RBM34: variants seen among roughly 807,000 people sequenced by gnomAD.
The protein encoded by RBM34 is RNA binding motif protein 34, also known as RNA-binding protein 34.
In RBM34, 39 loss-of-function variants were observed where a neutral mutation model predicts 44.6. The ratio of observed to expected loss-of-function variants is 0.87; its 90% CI spans 0.68 to 1.14. The LOEUF (loss-of-function observed/expected upper bound fraction) is 1.14. RBM34 is among the 50% of genes most tolerant of loss of function. RBM34 has a pLI of 0.00. For missense variants in RBM34, 572 were observed against 517.9 expected, an observed-to-expected ratio of 1.10 and a Z score of -1.01; for synonymous variants, 194 against 184.0, an observed-to-expected ratio of 1.05 and a Z score of -0.44.
chr1:235,142,145 T>C (rs894746874), intron 6 of RBM34, among the ~76,000 whole-genome samples: 4 of 152,132 alleles, frequency 2.6e-5, no homozygotes, highest in South Asian at 2.1e-4. Context: ...TACAAGGCAT[T>C]TGGCACAGCT....
At chr1:235,135,597 T>C in intron 10 of RBM34, 55 bp downstream of exon 10, 1 of 1,384,994 alleles carries the variant, frequency 7.2e-7, no homozygotes, top group Non-Finnish European at 1.0e-6. Context: ...TGCAACAGTG[T>C]CAATGCCTCC....
chr1:235,153,262 C>CA (rs35089184), intron 4 of RBM34, among the ~76,000 whole-genome samples: 23,920 of 129,594 alleles, frequency 0.18, 2,093 homozygotes, highest in African/African-American at 0.25. Context: ...GACTCTGTCT[C>CA]AAAAAAAAAA....
Position 235,161,085 on chromosome 1 carries a change from A to G in RBM34, c.54-18T>C. 6.2e-7 allele frequency: 1 copy of G among 1,609,808 alleles called. No homozygotes were observed. Among genetic ancestry groups the G allele is most frequent in the Non-Finnish European group, 8.5e-7 (1 of 1,176,460 alleles). ...GATTCTCTCTAGAAATGGACGACAGAAACTCAGCCACGCCACGCACCACCG... is the reference window on the plus strand; with the variant it reads ...GATTCTCTCTAGAAATGGACGACAGGAACTCAGCCACGCCACGCACCACCG... On this transcript the variant is annotated intron_variant, in intron 1 of 10. Transcript: ENST00000408888.
intron 3 of RBM34, 100 bp downstream of exon 3, chr1:235,160,411 G>A: frequency 6.9e-7 from 1 of 1,448,234 alleles, no homozygotes; most frequent in Non-Finnish European, 9.6e-7. Flanking sequence ...AGTTTTGAAA[G>A]AAAGTAGAAA....
At chr1:235,157,546 A>T (rs533197950) in intron 3 of RBM34, among the ~76,000 whole-genome samples, 149 of 151,832 alleles carry the variant, frequency 9.8e-4, no homozygotes, top group African/African-American at 3.4e-3. Flanking sequence ...GAGGCAAACA[A>T]ACATACATGT....
chr1:235,155,157 T>C, intron 3 of RBM34, 45 bp from the exon 4 acceptor site: 2 of 1,486,780 alleles, frequency 1.3e-6, no homozygotes, highest in Non-Finnish European at 1.9e-6. Context: ...GTCATGCCAG[T>C]TAGGTCTAGT....
At chr1:235,140,513 C>T (rs1304831257) in intron 6 of RBM34, among the ~76,000 whole-genome samples, 1 of 152,224 alleles carries the variant, frequency 6.6e-6, no homozygotes, top group African/African-American at 2.4e-5. Context: ...TCTCACCGGG[C>T]CTTAGCTGCC....
At chr1:235,151,907 C>T (rs945823669) in intron 5 of RBM34, among the ~76,000 whole-genome samples, 2 of 152,040 alleles carry the variant, frequency 1.3e-5, no homozygotes, top group Non-Finnish European at 2.9e-5. Context: ...GTAGCGCACA[C>T]CTGTAATCCC....
Position 235,138,023 on chromosome 1 carries a change from G to A in RBM34, c.785+68C>T. ...ACATCTATGCTAAAGTGAAACCAAA[G>A]AATAAAAAAAGTACTCATACATACT... On this transcript the variant is annotated intron_variant, in intron 7 of 10. Coordinates refer to ENST00000408888, the MANE Select transcript of RBM34 (RefSeq NM_015014.4). 5 of 1,536,302 alleles carry A rather than the reference G, an allele frequency of 3.3e-6. No homozygotes were observed. The Admixed American group carries it at 5.4e-5, about 17-fold the overall frequency.
chr1:235,156,419 T>C (rs1490616427), intron 3 of RBM34, among the ~76,000 whole-genome samples: 1 of 152,210 alleles, frequency 6.6e-6, no homozygotes, highest in Non-Finnish European at 1.5e-5. Flanking sequence ...GTTTACACTC[T>C]ATCAATGCCT....
intron 3 of RBM34, chr1:235,156,477 G>A (rs1662447973): frequency 6.1e-6 from 2 of 325,360 alleles, no homozygotes; most frequent in Non-Finnish European, 1.2e-5. Flanking sequence ...CACACTCCCT[G>A]AGAGTCTAAA....
intron 6 of RBM34, among the ~76,000 whole-genome samples, chr1:235,143,776 A>C (rs968175959): frequency 6.6e-6 from 1 of 152,190 alleles, no homozygotes; most frequent in Non-Finnish European, 1.5e-5. Flanking sequence ...ACATCACAAT[A>C]AATACAACAC....
chr1:235,141,498 T>C (rs1217287765), intron 6 of RBM34, among the ~76,000 whole-genome samples: 1 of 152,150 alleles, frequency 6.6e-6, no homozygotes, highest in African/African-American at 2.4e-5. Context: ...CACTCGGCTC[T>C]ACCAATCAGC....
Position 235,155,102 on chromosome 1 carries a change from G to C in RBM34, c.376C>G (p.Leu126Val), listed in dbSNP as rs372028134. 5.0e-6 allele frequency: 8 copies of C among 1,611,652 alleles called. No homozygotes were observed. The highest frequency in any genetic ancestry group is 2.2e-5 in the East Asian group (1 of 44,854). ...EKKLADRESALASADLEEEIH... is the reference protein window; with the variant it reads ...EKKLADRESAVASADLEEEIH... ...TCTTCTTCTAAATCAGCACTCGCTA[G>C]AGCGCTTTCCCTTTTTAAGGCAAAA... Residue 126 changes from leucine (L) to valine (V), a missense_variant, in exon 4 of 11, where the codon CTA becomes GTA. Leu to Val is a conservative substitution (Grantham distance 32). Transcript: ENST00000408888.
intron 4 of RBM34, 35 bp from the exon 5 acceptor site, chr1:235,152,800 C>T: frequency 1.3e-6 from 2 of 1,483,050 alleles, no homozygotes; most frequent in African/African-American, 2.9e-5. Flanking sequence ...ATTAGCTGAC[C>T]TTCAGAACAT....
intron 10 of RBM34, among the ~76,000 whole-genome samples, chr1:235,134,179 C>G (rs1315448039): frequency 6.6e-6 from 1 of 152,150 alleles, no homozygotes; most frequent in South Asian, 2.1e-4. Flanking sequence ...TGCACCACCA[C>G]GCCCAGCTGA....
chr1:235,159,736 T>G (rs1406363538), intron 3 of RBM34, among the ~76,000 whole-genome samples: 1 of 150,032 alleles, frequency 6.7e-6, no homozygotes, highest in Non-Finnish European at 1.5e-5. Flanking sequence ...CCGGGCATGG[T>G]GGCACCTGTA....
intron 5 of RBM34, among the ~76,000 whole-genome samples, chr1:235,150,522 T>C (rs1360022615): frequency 6.6e-6 from 1 of 152,142 alleles, no homozygotes; most frequent in Non-Finnish European, 1.5e-5. Flanking sequence ...AAAAATACTT[T>C]CATAGGCAAA....
chr1:235,141,511 G>C (rs1358534915), intron 6 of RBM34, among the ~76,000 whole-genome samples: 3 of 152,170 alleles, frequency 2.0e-5, no homozygotes, highest in Non-Finnish European at 2.9e-5. Context: ...CAATCAGCAG[G>C]ATGTGGGTGG....
Sources: allele counts gnomAD v4.1 joint callset (sites outside exome capture counted in the v4.1 genomes callset), GRCh38; gene constraint gnomAD v4.1.1; transcripts MANE v1.5; gene names NCBI Gene and HGNC (gene_info 2026-07-23, HGNC 2026-07-21).